Variants in PRKCE observed in about 807,000 individuals in gnomAD.
PRKCE encodes the protein protein kinase C epsilon.
Under a neutral mutation model 85.4 loss-of-function variants are expected in PRKCE, and 16 were observed. The observed-to-expected ratio is 0.19, with a 90% CI of 0.13 to 0.28. The LOEUF (loss-of-function observed/expected upper bound fraction) is 0.28, where lower values mean the gene tolerates loss of function less well. Ranked by LOEUF, PRKCE falls within the 10% of genes least tolerant of loss-of-function variation. The probability of loss-of-function intolerance (pLI) is 1.00; values close to 1 mark genes in which losing one functional copy is unlikely to be tolerated. For missense variants in PRKCE, 573 were observed against 975.2 expected (o/e 0.59, Z 5.49); for synonymous variants, 388 against 371.5 (o/e 1.04, Z -0.51).
At chr2:46,112,705 A>G (rs987700225) in intron 11 of PRKCE, among the ~76,000 whole-genome samples, 1 of 151,972 alleles carries the variant, frequency 6.6e-6, no homozygotes, top group African/African-American at 2.4e-5. Flanking sequence ...TTTTTAGTAG[A>G]GACAGGGTTT....
At chr2:45,780,272 A>C (rs981171194) in intron 1 of PRKCE, among the ~76,000 whole-genome samples, 27 of 152,030 alleles carry the variant, frequency 1.8e-4, no homozygotes, top group African/African-American at 6.5e-4. Context: ...CCATTCATAG[A>C]TTTCTACTCC....
At chr2:45,691,555 A>G (rs1289998974) in intron 1 of PRKCE, among the ~76,000 whole-genome samples, 1 of 152,222 alleles carries the variant, frequency 6.6e-6, no homozygotes, top group African/African-American at 2.4e-5. Flanking sequence ...TTCATTCCTA[A>G]AAGGCTTTCA....
chr2:45,875,989 G>T (rs1053438896), intron 2 of PRKCE, among the ~76,000 whole-genome samples: 1 of 152,208 alleles, frequency 6.6e-6, no homozygotes, highest in Admixed American at 6.5e-5. Flanking sequence ...AAGAGGTTTA[G>T]CAGCAGTGGG....
chr2:45,881,647 G>T (rs957736185), intron 2 of PRKCE, among the ~76,000 whole-genome samples: 1 of 152,146 alleles, frequency 6.6e-6, no homozygotes, highest in African/African-American at 2.4e-5. Flanking sequence ...ATCATTATGT[G>T]GTAGGTGCTA....
chr2:45,844,998 C>T (rs1691660468), intron 2 of PRKCE, among the ~76,000 whole-genome samples: 1 of 151,284 alleles, frequency 6.6e-6, no homozygotes, highest in African/African-American at 2.4e-5. Context: ...GAAATGCTGA[C>T]ACATGCCAGA....
chr2:45,842,679 T>C (rs1691451372), intron 1 of PRKCE, among the ~76,000 whole-genome samples: 1 of 152,216 alleles, frequency 6.6e-6, no homozygotes, highest in Non-Finnish European at 1.5e-5. Flanking sequence ...TTTAATGGTA[T>C]CTCTGGCCTC....
At chr2:45,723,500 C>A (rs7563877) in intron 1 of PRKCE, among the ~76,000 whole-genome samples, 1 of 152,202 alleles carries the variant, frequency 6.6e-6, no homozygotes, top group East Asian at 1.9e-4. Context: ...TTTTTCTAAC[C>A]TGTTTGCCCT....
At chr2:46,105,316 C>T (rs1269576423) in intron 11 of PRKCE, among the ~76,000 whole-genome samples, 2 of 152,128 alleles carry the variant, frequency 1.3e-5, no homozygotes, top group South Asian at 2.1e-4. Context: ...CTAGGGCTTT[C>T]TTATAGCAAC....
At chr2:46,022,540 C>A (rs1198362372) in intron 10 of PRKCE, among the ~76,000 whole-genome samples, 1 of 152,196 alleles carries the variant, frequency 6.6e-6, no homozygotes, top group Non-Finnish European at 1.5e-5. Context: ...AAGCAATGGG[C>A]TTCACCCATG....
chr2:46,083,940 C>A (rs112614876), intron 10 of PRKCE, among the ~76,000 whole-genome samples: 1 of 152,188 alleles, frequency 6.6e-6, no homozygotes, highest in African/African-American at 2.4e-5. Context: ...TCAACCCTGG[C>A]CGCACATGGG....
chr2:45,678,519 G>A (rs1485163629), intron 1 of PRKCE, among the ~76,000 whole-genome samples: 1 of 149,652 alleles, frequency 6.7e-6, no homozygotes, highest in Non-Finnish European at 1.5e-5. Context: ...TAAGGGCATA[G>A]AATGAACGTG....
At chr2:45,991,395 C>T (rs1377568685) in intron 6 of PRKCE, among the ~76,000 whole-genome samples, 3 of 152,064 alleles carry the variant, frequency 2.0e-5, no homozygotes, top group East Asian at 1.9e-4. Context: ...CTCTGTTTAC[C>T]CAGCATCTAG....
chr2:45,963,085 C>T lies in PRKCE; in HGVS notation c.413-13344C>T, dbSNP rs193096485. 6.8e-4 allele frequency among the ~76,000 whole-genome samples: 104 copies of T among 152,206 alleles called. 2 individuals are homozygous for T. The highest frequency in any genetic ancestry group is 6.6e-3 in the Admixed American group (101 of 15,292). On this transcript the variant is annotated intron_variant, in intron 2 of 14. Transcript: ENST00000306156. ...CACCTATATGAAGCTTCCTAAGGGA[C>T]GTCTATCTCCCAGTGCCCTGCCGTG...
Position 46,001,835 on chromosome 2 carries a change from TAAC to T in PRKCE, c.966+293_966+295del, listed in dbSNP as rs1290195064. Among the ~76,000 whole-genome samples, 5 of 152,186 alleles carry T rather than the reference TAAC, an allele frequency of 3.3e-5. No individual in the cohort carries two copies. Among genetic ancestry groups the T allele is most frequent in the Admixed American group, 6.5e-5 (1 of 15,284 alleles). ...TTTGAAATTCCTTCTAGAAAAAGCTTAACAACTCCATACAAGGAAATGGACTTA... is the reference window on the plus strand; with the variant it reads ...TTTGAAATTCCTTCTAGAAAAAGCTTAACTCCATACAAGGAAATGGACTTA... On this transcript the variant is annotated intron_variant, in intron 7 of 14. Coordinates refer to ENST00000306156, the MANE Select transcript of PRKCE (RefSeq NM_005400.3). The surrounding 1 kb of genome is among the most constrained non-coding windows in gnomAD (Gnocchi z 4.4).
At chr2:45,709,280 C>T (rs1211472426) in intron 1 of PRKCE, among the ~76,000 whole-genome samples, 4 of 152,242 alleles carry the variant, frequency 2.6e-5, no homozygotes, top group African/African-American at 9.6e-5. Flanking sequence ...GTGGCAGCTG[C>T]TCCAACCAGG....
At chr2:45,871,694 G>A (rs538953699) in intron 2 of PRKCE, among the ~76,000 whole-genome samples, 27 of 152,286 alleles carry the variant, frequency 1.8e-4, no homozygotes, top group African/African-American at 6.5e-4. Flanking sequence ...GCAGAGATGA[G>A]GGTGCAAAGC....
chr2:45,989,360 C>G lies in PRKCE; in HGVS notation c.823+4680C>G, dbSNP rs114841740. ...TTCAGGGGCCAAGGGGACAGGGTGT[C>G]CCCTCCTCTCCAGTAAGTAGTAAAC... On this transcript the variant is annotated intron_variant, in intron 6 of 14. Transcript: ENST00000306156. Among the ~76,000 whole-genome samples the G allele has an allele frequency of 6.9e-3, 1,056 of 152,286 alleles. 18 individuals carry two copies. The highest frequency in any genetic ancestry group is 0.024 in the African/African-American group (1,015 of 41,560).
At chr2:45,766,114 A>C (rs996057847) in intron 1 of PRKCE, among the ~76,000 whole-genome samples, 5 of 152,154 alleles carry the variant, frequency 3.3e-5, no homozygotes, top group Non-Finnish European at 7.4e-5. Flanking sequence ...GCTGGCAGGT[A>C]CCCAAGTTTA....
intron 1 of PRKCE, among the ~76,000 whole-genome samples, chr2:45,706,613 C>G (rs1485708547): frequency 6.6e-6 from 1 of 152,210 alleles, no homozygotes; most frequent in South Asian, 2.1e-4. Context: ...ATGTCTCAAT[C>G]TCTGGCATCA....
Sources: gnomAD v4.1 joint callset for allele counts (sites outside exome capture counted in the v4.1 genomes callset) on GRCh38, gnomAD v4.1.1 for gene constraint, Gnocchi (gnomAD v3.1) non-coding constraint, MANE v1.5 for transcripts, NCBI Gene and HGNC (gene_info 2026-07-23, HGNC 2026-07-21) for gene names.